Variants in SORCS1 observed in about 807,000 individuals in gnomAD.
SORCS1 encodes the protein sortilin related VPS10 domain containing receptor 1, also known as VPS10 domain-containing receptor SorCS1.
SORCS1 carries 60 observed loss-of-function variants against 146.1 expected under a neutral mutation model. That is an observed-to-expected ratio of 0.41 (90% CI 0.33 to 0.51). The LOEUF (loss-of-function observed/expected upper bound fraction) is 0.51, where lower values mean the gene tolerates loss of function less well. Ranked by LOEUF, SORCS1 falls within the 20% of genes least tolerant of loss-of-function variation. SORCS1 has a pLI of 0.21. For missense variants in SORCS1, 1,352 were observed against 1,487.6 expected (o/e 0.91, Z 1.50); for synonymous variants, 637 against 584.0 (o/e 1.09, Z -1.31).
intron 1 of SORCS1, among the ~76,000 whole-genome samples, chr10:106,963,529 G>A (rs868304565): frequency 2.6e-5 from 4 of 152,142 alleles, no homozygotes; most frequent in African/African-American, 9.7e-5. Flanking sequence ...CTTTGGCTAA[G>A]TATTTATTTG....
At chr10:106,606,568 A>G (rs765982381) in intron 23 of SORCS1, among the ~76,000 whole-genome samples, 3 of 152,174 alleles carry the variant, frequency 2.0e-5, no homozygotes, top group Non-Finnish European at 2.9e-5. Context: ...ATCACGGACA[A>G]TTTTTTGTGT....
At chr10:106,716,132 C>A (rs543238284) in intron 6 of SORCS1, among the ~76,000 whole-genome samples, 4 of 152,200 alleles carry the variant, frequency 2.6e-5, no homozygotes, top group African/African-American at 7.2e-5. Context: ...AAAAAATATT[C>A]TCCTTATATA....
intron 2 of SORCS1, among the ~76,000 whole-genome samples, chr10:106,883,159 T>C (rs926721521): frequency 6.6e-6 from 1 of 152,144 alleles, no homozygotes; most frequent in Non-Finnish European, 1.5e-5. Flanking sequence ...TCAATTTGAT[T>C]TGATTTTAGA....
chr10:106,909,239 T>C (rs1278322795), intron 2 of SORCS1, among the ~76,000 whole-genome samples: 2 of 152,248 alleles, frequency 1.3e-5, no homozygotes, highest in African/African-American at 2.4e-5. Flanking sequence ...CTGGCTGCCT[T>C]GCTTGCCCTC....
At chr10:106,656,423 C>T (rs1385115242) in intron 17 of SORCS1, among the ~76,000 whole-genome samples, 5 of 152,036 alleles carry the variant, frequency 3.3e-5, no homozygotes, top group African/African-American at 4.8e-5. Context: ...TGCTGGCGGG[C>T]GCCTGTAGTC....
chr10:106,984,910 G>A (rs111825149), intron 1 of SORCS1, among the ~76,000 whole-genome samples: 96 of 152,090 alleles, frequency 6.3e-4, no homozygotes, highest in African/African-American at 2.0e-3. Context: ...CAAGCAGGCC[G>A]GGTGCCGTGG....
chr10:106,734,830 G>A (rs1261521797), intron 5 of SORCS1, among the ~76,000 whole-genome samples: 1 of 151,954 alleles, frequency 6.6e-6, no homozygotes, highest in Non-Finnish European at 1.5e-5. Flanking sequence ...TCAAGAAATG[G>A]GTGGGGGAAT....
At chr10:106,811,470 T>G (rs368218427) in intron 3 of SORCS1, among the ~76,000 whole-genome samples, 13 of 152,230 alleles carry the variant, frequency 8.5e-5, no homozygotes, top group African/African-American at 3.1e-4. Flanking sequence ...CACATGCTTG[T>G]TAAAATGCAG....
intron 2 of SORCS1, among the ~76,000 whole-genome samples, chr10:106,896,669 C>A (rs967885786): frequency 1.3e-5 from 2 of 151,218 alleles, no homozygotes; most frequent in African/African-American, 4.9e-5. Context: ...CATTGTTTTA[C>A]AAAACAGATT....
At chr10:107,037,062 A>G (rs10884403) in intron 1 of SORCS1, among the ~76,000 whole-genome samples, 40,506 of 151,796 alleles carry the variant, frequency 0.27, 6,385 homozygotes, top group Admixed American at 0.37. Context: ...CCTGGCTAAC[A>G]TGGTGAAACC....
chr10:106,941,233 C>A (rs1006141920), intron 2 of SORCS1, among the ~76,000 whole-genome samples: 1 of 152,174 alleles, frequency 6.6e-6, no homozygotes, highest in African/African-American at 2.4e-5. Context: ...AGGGGAAAGG[C>A]ATCCCCAGCA....
In SORCS1 at chr10:106,960,048, T is replaced by C. The variant is rs1955149460; in HGVS notation, c.559-3468A>G. ...CATATCCATCAGCACCCCATTTATT[T>C]CTGTATCTTGTTTTCATTATACAGT... On this transcript the variant is annotated intron_variant, in intron 1 of 25. Transcript: ENST00000263054. This position sits in a 1 kb window ranked among gnomAD's most constrained non-coding sequence, Gnocchi z 4.4. Among the ~76,000 whole-genome samples the C allele has an allele frequency of 6.6e-6, 1 of 152,210 alleles. No individual in the cohort carries two copies. The highest frequency in any genetic ancestry group is 1.5e-5 in the Non-Finnish European group (1 of 68,036).
intron 5 of SORCS1, among the ~76,000 whole-genome samples, chr10:106,737,894 T>C (rs1364054874): frequency 6.6e-6 from 1 of 152,248 alleles, no homozygotes; most frequent in Non-Finnish European, 1.5e-5. Context: ...ATAAGGTTTC[T>C]TTTTATCTTT....
chr10:107,052,053 T>C (rs116197746), intron 1 of SORCS1, among the ~76,000 whole-genome samples: 2 of 152,184 alleles, frequency 1.3e-5, no homozygotes, highest in Non-Finnish European at 2.9e-5. Context: ...TCTTTTGTTA[T>C]TCATGCTTCA....
At chr10:106,977,270 T>C (rs994618805) in intron 1 of SORCS1, among the ~76,000 whole-genome samples, 7 of 152,256 alleles carry the variant, frequency 4.6e-5, no homozygotes, top group Non-Finnish European at 8.8e-5. Flanking sequence ...GGTTTGGATT[T>C]GCATTTCTCT....
intron 1 of SORCS1, among the ~76,000 whole-genome samples, chr10:107,095,658 A>C (rs935623163): frequency 6.6e-6 from 1 of 152,180 alleles, no homozygotes; most frequent in South Asian, 2.1e-4. Flanking sequence ...TACCCACCTC[A>C]GTCACAGTGT....
At chr10:107,022,614 C>A (rs2133878952) in intron 1 of SORCS1, among the ~76,000 whole-genome samples, 1 of 152,212 alleles carries the variant, frequency 6.6e-6, no homozygotes, top group Non-Finnish European at 1.5e-5. Flanking sequence ...AGGCAGCGGA[C>A]ACAGGTGATA....
chr10:106,750,675 G>C (rs1447816465), intron 5 of SORCS1, among the ~76,000 whole-genome samples: 2 of 128,636 alleles, frequency 1.6e-5, no homozygotes, highest in African/African-American at 3.0e-5. Flanking sequence ...CTTGCAGTGA[G>C]CCGAGATCGC....
At chr10:106,862,301 T>C (rs557447854) in intron 2 of SORCS1, among the ~76,000 whole-genome samples, 1 of 152,358 alleles carries the variant, frequency 6.6e-6, no homozygotes, top group Non-Finnish European at 1.5e-5. Context: ...GTCTGTTTTC[T>C]ACTTAATTTC....
Sources: gnomAD v4.1 joint callset for allele counts (sites outside exome capture counted in the v4.1 genomes callset) on GRCh38, gnomAD v4.1.1 for gene constraint, Gnocchi (gnomAD v3.1) non-coding constraint, MANE v1.5 for transcripts, NCBI Gene and HGNC (gene_info 2026-07-23, HGNC 2026-07-21) for gene names.